CEP128: variants seen among roughly 807,000 people sequenced by gnomAD.
CEP128 encodes the protein centrosomal protein 128kDa.
In CEP128, 132 loss-of-function variants were observed where a neutral mutation model predicts 156.7. The ratio of observed to expected loss-of-function variants is 0.84; its 90% CI spans 0.73 to 0.97. The LOEUF is 0.97. CEP128 is among the 50% of genes least tolerant of loss of function. The pLI, the probability that CEP128 is intolerant of heterozygous loss-of-function variation, is 0.00. For synonymous variants in CEP128, 469 were observed against 448.9 expected (o/e 1.04, Z -0.57); for missense variants, 1,252 against 1,281.9 (o/e 0.98, Z 0.36).
intron 18 of CEP128, among the ~76,000 whole-genome samples, chr14:80,744,534 C>T (rs1898999271): frequency 6.6e-6 from 1 of 152,112 alleles, no homozygotes; most frequent in Non-Finnish European, 1.5e-5. Context: ...TGTAGCCATA[C>T]AGCAAATGAA....
chr14:80,954,849 G>C (rs555599447), intron 2 of CEP128: 2 of 152,248 alleles, frequency 1.3e-5, no homozygotes, highest in Non-Finnish European at 2.9e-5. Context: ...GGGTCGACCA[G>C]AATTTCCATA....
chr14:80,897,904 AG>A (rs1325661172), intron 7 of CEP128, among the ~76,000 whole-genome samples: 6 of 152,110 alleles, frequency 3.9e-5, no homozygotes, highest in Non-Finnish European at 7.4e-5. Context: ...TAGCCTCCCA[AG>A]TAGCTGGGAC....
chr14:80,833,468 TA>T (rs1259067791), intron 12 of CEP128, among the ~76,000 whole-genome samples: 1 of 151,904 alleles, frequency 6.6e-6, no homozygotes, highest in Non-Finnish European at 1.5e-5. Context: ...TTAAAATATT[TA>T]AAACAAAAAG....
At chr14:80,926,482 A>G (rs764927127) in intron 2 of CEP128, among the ~76,000 whole-genome samples, 22 of 152,116 alleles carry the variant, frequency 1.4e-4, no homozygotes, top group Non-Finnish European at 2.8e-4. Flanking sequence ...TCTAATCCCC[A>G]TTGGAGCCAC....
At chr14:80,858,700 G>GA (rs1283147199) in intron 9 of CEP128, among the ~76,000 whole-genome samples, 1 of 150,930 alleles carries the variant, frequency 6.6e-6, no homozygotes, top group African/African-American at 2.5e-5. Context: ...AAATTTACAA[G>GA]AAAAAAACAA....
chr14:80,740,490 A>G (rs1898762065), intron 19 of CEP128, among the ~76,000 whole-genome samples: 1 of 143,754 alleles, frequency 7.0e-6, no homozygotes, highest in Non-Finnish European at 1.5e-5. Flanking sequence ...ATTCATATTT[A>G]TATCTAGATA....
chr14:80,912,773 A>AG (rs1884321944), intron 4 of CEP128, among the ~76,000 whole-genome samples: 1 of 46,564 alleles, frequency 2.1e-5, no homozygotes, highest in South Asian at 1.0e-3. Context: ...GTAAAAAAAA[A>AG]TAATAATAAT....
chr14:80,635,767 A>C (rs1029469748), intron 19 of CEP128, among the ~76,000 whole-genome samples: 10 of 152,182 alleles, frequency 6.6e-5, no homozygotes, highest in African/African-American at 2.4e-4. Context: ...GAAATCCAAA[A>C]CACCCTAAAA....
rs899005540 is a variant in CEP128 at position 80,817,753 on chromosome 14, C to T, written c.1209+13390G>A. Among the ~76,000 whole-genome samples the T allele has an allele frequency of 2.7e-4, 41 of 151,876 alleles. 1 individual carries two copies. Among genetic ancestry groups the T allele is most frequent in the Admixed American group, 2.2e-3 (34 of 15,264 alleles). On this transcript the variant is annotated intron_variant, in intron 13 of 24. Transcript: ENST00000555265. The stretch of plus-strand genomic sequence containing the variant: ...AAAATTAGCCAGGTGTGGTGGCACG[C>T]GCCTGTAGTCCTGGCTACTCGGGAG...
At chr14:80,700,188 C>T (rs1172915916) in intron 19 of CEP128, among the ~76,000 whole-genome samples, 1 of 152,138 alleles carries the variant, frequency 6.6e-6, no homozygotes, top group African/African-American at 2.4e-5. Flanking sequence ...ATCAGACTTT[C>T]TGAGTTTAGT....
At chr14:80,759,907 G>GGTGT (rs3037144) in intron 17 of CEP128, among the ~76,000 whole-genome samples, 95 of 150,356 alleles carry the variant, frequency 6.3e-4, no homozygotes, top group African/African-American at 2.2e-3. Context: ...CATATATATA[G>GGTGT]GTGTGTGTGT....
chr14:80,865,496 T>C (rs911123625), intron 8 of CEP128, among the ~76,000 whole-genome samples: 1 of 152,210 alleles, frequency 6.6e-6, no homozygotes, highest in African/African-American at 2.4e-5. Flanking sequence ...TTAATTTTGA[T>C]ATTAACATTT....
intron 24 of CEP128, among the ~76,000 whole-genome samples, chr14:80,503,330 G>T (rs1887821662): frequency 6.6e-6 from 1 of 152,056 alleles, no homozygotes. Context: ...ATAGTTGCTT[G>T]TGAGAAATAT....
At chr14:80,803,307 T>C (rs1372835118) in intron 13 of CEP128, among the ~76,000 whole-genome samples, 4 of 151,160 alleles carry the variant, frequency 2.6e-5, no homozygotes, top group Non-Finnish European at 5.9e-5. Flanking sequence ...TATCTGATTT[T>C]ATGGTGAAGG....
intron 16 of CEP128, among the ~76,000 whole-genome samples, chr14:80,766,608 T>C (rs1176129664): frequency 6.6e-6 from 1 of 152,174 alleles, no homozygotes; most frequent in African/African-American, 2.4e-5. Context: ...CCACTTTATT[T>C]AGAATATGGC....
chr14:80,935,560 A>C (rs1405620878), intron 2 of CEP128, among the ~76,000 whole-genome samples: 3 of 70,070 alleles, frequency 4.3e-5, no homozygotes, highest in African/African-American at 1.7e-4. Context: ...CTGTCTCAAT[A>C]AATAAATAAA....
chr14:80,721,769 C>T lies in CEP128; in HGVS notation c.2806+21306G>A, dbSNP rs55904974. 5.3e-3 allele frequency among the ~76,000 whole-genome samples: 802 copies of T among 152,126 alleles called. 4 individuals are homozygous for T. The highest frequency in any genetic ancestry group is 0.017 in the African/African-American group (705 of 41,516). ...ATATAAATAAATAAACAGGTGAATT[C>T]GTGAATAAGTGGATAAAGTTCATGA... On this transcript the variant is annotated intron_variant, in intron 19 of 24. Transcript: ENST00000555265.
intron 9 of CEP128, among the ~76,000 whole-genome samples, chr14:80,855,024 T>A (rs1417486440): frequency 2.0e-5 from 3 of 152,148 alleles, no homozygotes; most frequent in African/African-American, 7.2e-5. Context: ...TAAAGCTGGT[T>A]AAAAGAATAA....
At chr14:80,897,872 G>A (rs1251261062) in intron 7 of CEP128, among the ~76,000 whole-genome samples, 1 of 152,090 alleles carries the variant, frequency 6.6e-6, no homozygotes, top group Admixed American at 6.5e-5. Flanking sequence ...CAACCTCCTG[G>A]GCTCAAGCAA....
Sources: allele counts gnomAD v4.1 joint callset (sites outside exome capture counted in the v4.1 genomes callset), GRCh38; gene constraint gnomAD v4.1.1; transcripts MANE v1.5; gene names NCBI Gene and HGNC (gene_info 2026-07-23, HGNC 2026-07-21).